Variants in GRIP1 observed in about 807,000 individuals in gnomAD.
GRIP1 encodes glutamate receptor interacting protein 1.
A neutral mutation model predicts 129.9 loss-of-function variants in GRIP1; 45 were observed. The observed-to-expected ratio is 0.35, with a 90% CI of 0.27 to 0.44. The LOEUF is 0.44. GRIP1 is among the 20% of genes least tolerant of loss of function. GRIP1 has a pLI of 1.00. For missense variants in GRIP1, 1,196 were observed against 1,396.8 expected (o/e 0.86, Z 2.29); for synonymous variants, 530 against 520.8 (o/e 1.02, Z -0.24).
At chr12:66,490,656 C>T (rs12299683) in intron 7 of GRIP1, among the ~76,000 whole-genome samples, 64,537 of 151,900 alleles carry the variant, frequency 0.42, 14,234 homozygotes, top group Middle Eastern at 0.61. Context: ...GCAAAAGAAG[C>T]TATCATCAGA....
At chr12:66,528,686 A>G (rs1215539308) in intron 5 of GRIP1, among the ~76,000 whole-genome samples, 1 of 152,220 alleles carries the variant, frequency 6.6e-6, no homozygotes, top group Non-Finnish European at 1.5e-5. Flanking sequence ...CGAAAAATAT[A>G]AAAGGAAAGA....
chr12:66,373,836 G>C (rs2055653111), intron 22 of GRIP1, among the ~76,000 whole-genome samples: 1 of 152,276 alleles, frequency 6.6e-6, no homozygotes, highest in African/African-American at 2.4e-5. Context: ...CTATACAATA[G>C]ATATTAAAAT....
chr12:66,352,354 G>A (rs562078553), intron 24 of GRIP1, among the ~76,000 whole-genome samples: 33 of 152,206 alleles, frequency 2.2e-4, no homozygotes, highest in African/African-American at 6.0e-4. Flanking sequence ...GCAGAGAAGC[G>A]CCACAAGCTC....
intron 1 of GRIP1, among the ~76,000 whole-genome samples, chr12:66,813,588 A>C (rs531496682): frequency 6.6e-6 from 1 of 152,328 alleles, no homozygotes; most frequent in East Asian, 1.9e-4. Context: ...AGGAGGAGAC[A>C]CAACTTGAGC....
chr12:66,988,870 T>C (rs1322609898), intron 1 of GRIP1, among the ~76,000 whole-genome samples: 1 of 152,224 alleles, frequency 6.6e-6, no homozygotes, highest in Non-Finnish European at 1.5e-5. Context: ...TAATGGAAGA[T>C]GTTTAGTTTT....
intron 7 of GRIP1, among the ~76,000 whole-genome samples, chr12:66,480,993 A>G (rs2059786760): frequency 6.6e-6 from 1 of 152,212 alleles, no homozygotes; most frequent in East Asian, 1.9e-4. Flanking sequence ...TTCAGGACAG[A>G]GGCATAGGCA....
chr12:66,635,393 T>C (rs2031262666), intron 1 of GRIP1, among the ~76,000 whole-genome samples: 1 of 151,326 alleles, frequency 6.6e-6, no homozygotes, highest in African/African-American at 2.4e-5. Context: ...CATTGTACTC[T>C]AGCCTGGGTG....
chr12:66,828,254 A>G (rs2039453441), intron 1 of GRIP1, among the ~76,000 whole-genome samples: 1 of 152,236 alleles, frequency 6.6e-6, no homozygotes, highest in African/African-American at 2.4e-5. Context: ...CATATGTGAT[A>G]GTATTAGGTT....
rs1220242130 is a variant in GRIP1 at position 66,347,565 on chromosome 12, C to CTATT, written c.*1450_*1453dup. Reference sequence around the variant, plus strand: ...CCATACATAGACGATAAATACCATGCTATTAAAGTATTAAATTTGTACAAA... The same window carrying CTATT: ...CCATACATAGACGATAAATACCATGCTATTTATTAAAGTATTAAATTTGTACAAA... On this transcript the variant is annotated 3_prime_UTR_variant, in exon 25 of 25. Transcript: ENST00000359742. 2 of 152,068 alleles carry CTATT rather than the reference C, an allele frequency of 1.3e-5. No individual in the cohort carries two copies. Among genetic ancestry groups the CTATT allele is most frequent in the Non-Finnish European group, 2.9e-5 (2 of 68,018 alleles). 9.4% of individuals were successfully genotyped at this position (152,068 alleles called of 1,614,324 possible).
intron 1 of GRIP1, among the ~76,000 whole-genome samples, chr12:66,874,435 T>C (rs2040348180): frequency 6.6e-6 from 1 of 152,084 alleles, no homozygotes. Flanking sequence ...TGTTTCATGA[T>C]ATGGTGTATT....
intron 19 of GRIP1, among the ~76,000 whole-genome samples, chr12:66,389,440 C>T (rs553350676): frequency 5.6e-4 from 85 of 152,236 alleles, no homozygotes; most frequent in African/African-American, 1.9e-3. Context: ...GTTGCTCAGG[C>T]TGGTCTTGAA....
chr12:66,531,253 ATATATATATATATATATATAT>A lies in GRIP1; in HGVS notation c.419-1360_419-1340del, dbSNP rs1442614526. The stretch of plus-strand genomic sequence containing the variant: ...TCTGTCTCAAAAAAAAAAAAAAAAA[ATATATATATATATATATATAT>A]ATATATATATATATATATATATATA... On this transcript the variant is annotated intron_variant, in intron 4 of 24. Coordinates refer to ENST00000359742, the MANE Select transcript of GRIP1 (RefSeq NM_001366722.1). 1.3e-3 allele frequency among the ~76,000 whole-genome samples: 22 copies of A among 17,386 alleles called. 1 individual carries two copies. Among genetic ancestry groups the A allele is most frequent in the African/African-American group, 4.0e-3 (20 of 5,030 alleles). 11.4% of individuals were successfully genotyped at this position (17,386 alleles called of 152,430 possible).
At chr12:66,944,162 C>A (rs990285291) in intron 1 of GRIP1, among the ~76,000 whole-genome samples, 1 of 152,142 alleles carries the variant, frequency 6.6e-6, no homozygotes, top group Non-Finnish European at 1.5e-5. Context: ...TGTTGTGAAA[C>A]AGTACTCATT....
chr12:66,643,419 T>C (rs1221210571), intron 1 of GRIP1, among the ~76,000 whole-genome samples: 3 of 152,202 alleles, frequency 2.0e-5, no homozygotes, highest in Non-Finnish European at 4.4e-5. Flanking sequence ...ACTATTTTAA[T>C]GACATGAAAT....
chr12:66,472,812 C>A (rs893442924), intron 7 of GRIP1, among the ~76,000 whole-genome samples: 1 of 152,230 alleles, frequency 6.6e-6, no homozygotes, highest in Admixed American at 6.5e-5. Context: ...ACGCTTTTCC[C>A]ATGGTCTTCA....
At chr12:66,621,586 T>G (rs1228096013) in intron 1 of GRIP1, among the ~76,000 whole-genome samples, 1 of 152,148 alleles carries the variant, frequency 6.6e-6, no homozygotes, top group African/African-American at 2.4e-5. Flanking sequence ...TTTGAGTCCC[T>G]GCTTTCAATT....
chr12:66,529,313 A>G (rs1002222294), intron 5 of GRIP1, among the ~76,000 whole-genome samples: 6 of 152,244 alleles, frequency 3.9e-5, no homozygotes, highest in African/African-American at 1.4e-4. Flanking sequence ...AAAAGAAGTC[A>G]TAATACAAAA....
At chr12:66,487,669 A>G (rs2059991485) in intron 7 of GRIP1, among the ~76,000 whole-genome samples, 1 of 152,210 alleles carries the variant, frequency 6.6e-6, no homozygotes, top group Non-Finnish European at 1.5e-5. Context: ...TAATGCCCCA[A>G]TTAAAAGACA....
chr12:67,035,157 G>C (rs952139726), intron 1 of GRIP1, among the ~76,000 whole-genome samples: 1 of 152,104 alleles, frequency 6.6e-6, no homozygotes, highest in African/African-American at 2.4e-5. Flanking sequence ...GTATTCTGTT[G>C]TACTTTTGTC....
Sources: gnomAD v4.1 joint callset for allele counts (sites outside exome capture counted in the v4.1 genomes callset) on GRCh38, gnomAD v4.1.1 for gene constraint, MANE v1.5 for transcripts, NCBI Gene and HGNC (gene_info 2026-07-23, HGNC 2026-07-21) for gene names.